ARFIP1: variants seen among roughly 807,000 people sequenced by gnomAD.
ARFIP1 encodes ARF interacting protein 1.
In ARFIP1, 24 loss-of-function variants were observed where a neutral mutation model predicts 42.5. The observed-to-expected ratio is 0.57, with a 90% CI of 0.41 to 0.80. The LOEUF (loss-of-function observed/expected upper bound fraction) is 0.80. Ranked by LOEUF, ARFIP1 falls within the 30% of genes least tolerant of loss-of-function variation. The pLI is 0.00. For synonymous variants in ARFIP1, 141 were observed against 153.7 expected, an observed-to-expected ratio of 0.92 and a Z score of 0.61; for missense variants, 354 against 434.0, an observed-to-expected ratio of 0.82 and a Z score of 1.64.
intron 8 of ARFIP1, 110 bp from the exon 9 acceptor site, chr4:152,909,954 G>A: frequency 7.2e-7 from 1 of 1,381,662 alleles, no homozygotes; most frequent in South Asian, 1.4e-5. Flanking sequence ...TATTAAGCCA[G>A]CTTTTCTTCA....
chr4:152,808,827 G>A (rs1729215984), intron 1 of ARFIP1, among the ~76,000 whole-genome samples: 1 of 152,148 alleles, frequency 6.6e-6, no homozygotes, highest in African/African-American at 2.4e-5. Flanking sequence ...CCAGCACTTT[G>A]GGAGGCCGAG....
At chr4:152,785,121 A>C (rs1444300595) in intron 1 of ARFIP1, among the ~76,000 whole-genome samples, 1 of 152,152 alleles carries the variant, frequency 6.6e-6, no homozygotes, top group Non-Finnish European at 1.5e-5. Flanking sequence ...GAAGCTGTGG[A>C]GTGGGGGAAT....
intron 5 of ARFIP1, 105 bp from the exon 6 acceptor site, chr4:152,880,858 T>TA (rs1374002148): frequency 3.6e-6 from 3 of 839,096 alleles, no homozygotes; most frequent in Non-Finnish European, 5.7e-6. Context: ...TTCAGTTTGT[T>TA]ACGCTAGCTT....
chr4:152,816,892 G>C (rs890590287), intron 1 of ARFIP1, among the ~76,000 whole-genome samples: 1 of 151,932 alleles, frequency 6.6e-6, no homozygotes, highest in African/African-American at 2.4e-5. Context: ...TACTATATTC[G>C]TAATCTGTTA....
intron 1 of ARFIP1, among the ~76,000 whole-genome samples, chr4:152,822,926 G>A (rs556096666): frequency 6.6e-6 from 1 of 152,158 alleles, no homozygotes; most frequent in Admixed American, 6.5e-5. Context: ...TAACAAATGT[G>A]CTAAACACCT....
chr4:152,900,194 A>G lies in ARFIP1; in HGVS notation c.967-9870A>G, dbSNP rs377031169. Among the ~76,000 whole-genome samples the G allele has an allele frequency of 6.6e-5, 10 of 152,260 alleles. No homozygotes were observed. In the East Asian group the frequency reaches 1.4e-3, roughly 21 times the overall value. ...AGGGAGGGAGGGATCAAAGGGCGGG[A>G]ACTAACACTGTAAAAACATAGAACA... On this transcript the variant is annotated intron_variant, in intron 8 of 8. Coordinates refer to ENST00000353617, the MANE Select transcript of ARFIP1 (RefSeq NM_001025595.3).
chr4:152,781,532 C>G (rs915560880), intron 1 of ARFIP1, among the ~76,000 whole-genome samples: 1 of 152,206 alleles, frequency 6.6e-6, no homozygotes, highest in Admixed American at 6.5e-5. Flanking sequence ...CCACCGCGCC[C>G]GGCCGAATTG....
rs1738738576 is a variant in ARFIP1, at chr4:152,910,247, C to T, written c.*28C>T. ...TCACAGCGGAAAATAAAAAGAAAGT[C>T]GCGTTGTTATATTTCTAAACCAACC... On this transcript the variant is annotated 3_prime_UTR_variant, in exon 9 of 9. Transcript: ENST00000353617. The T allele has an allele frequency of 9.4e-6, 15 of 1,603,244 alleles. No homozygotes were observed. Among genetic ancestry groups the T allele is most frequent in the East Asian group, 4.5e-5 (2 of 44,746 alleles).
chr4:152,862,829 C>T (rs1733999321), intron 2 of ARFIP1, among the ~76,000 whole-genome samples: 1 of 152,176 alleles, frequency 6.6e-6, no homozygotes. Flanking sequence ...AGCCAGCAGA[C>T]TGTAGCCTCA....
chr4:152,806,302 A>G (rs1052647600), intron 1 of ARFIP1, among the ~76,000 whole-genome samples: 1 of 152,174 alleles, frequency 6.6e-6, no homozygotes, highest in Non-Finnish European at 1.5e-5. Context: ...TGGGCAGGAC[A>G]CATTTTGGAA....
intron 5 of ARFIP1, among the ~76,000 whole-genome samples, chr4:152,879,764 G>T (rs1483425799): frequency 3.9e-5 from 6 of 152,098 alleles, no homozygotes; most frequent in Non-Finnish European, 4.4e-5. Context: ...CAGAAGAATC[G>T]CTTGAACCCG....
At chr4:152,859,215 C>A (rs1306451449) in intron 2 of ARFIP1, among the ~76,000 whole-genome samples, 1 of 152,162 alleles carries the variant, frequency 6.6e-6, no homozygotes, top group Admixed American at 6.5e-5. Context: ...GCTCATGCCA[C>A]CATGCCCAGC....
intron 1 of ARFIP1, among the ~76,000 whole-genome samples, chr4:152,810,984 T>A (rs1320104335): frequency 6.6e-6 from 1 of 152,216 alleles, no homozygotes; most frequent in African/African-American, 2.4e-5. Flanking sequence ...CATGTCTCTT[T>A]TTCCTGCCTC....
intron 2 of ARFIP1, among the ~76,000 whole-genome samples, chr4:152,845,415 C>G (rs1732457171): frequency 6.6e-6 from 1 of 152,162 alleles, no homozygotes; most frequent in Admixed American, 6.5e-5. Flanking sequence ...AGTAAACAGA[C>G]AGCCTACAGA....
chr4:152,859,352 A>G (rs1733696641), intron 2 of ARFIP1, among the ~76,000 whole-genome samples: 1 of 152,206 alleles, frequency 6.6e-6, no homozygotes, highest in Non-Finnish European at 1.5e-5. Flanking sequence ...GTGAGCCATC[A>G]CATCATGCCT....
intron 2 of ARFIP1, among the ~76,000 whole-genome samples, chr4:152,859,924 G>A (rs933197263): frequency 1.9e-4 from 29 of 150,832 alleles, no homozygotes; most frequent in African/African-American, 6.8e-4. Context: ...ATTAAGATGG[G>A]GTTGTAAGTA....
intron 8 of ARFIP1, among the ~76,000 whole-genome samples, chr4:152,904,409 C>G (rs1738128389): frequency 6.6e-6 from 1 of 151,928 alleles, no homozygotes; most frequent in Non-Finnish European, 1.5e-5. Flanking sequence ...CCAGGATGGT[C>G]TTGAACTCCA....
chr4:152,844,819 A>G (rs1032674829), intron 2 of ARFIP1, among the ~76,000 whole-genome samples: 3 of 152,188 alleles, frequency 2.0e-5, no homozygotes, highest in South Asian at 2.1e-4. Flanking sequence ...GTGCTTTTCT[A>G]TTAAACTGCC....
intron 1 of ARFIP1, among the ~76,000 whole-genome samples, chr4:152,817,386 T>G (rs1430003297): frequency 6.6e-6 from 1 of 152,192 alleles, no homozygotes; most frequent in African/African-American, 2.4e-5. Context: ...TAACAAATCA[T>G]GCTGGAAAAA....
Sources: gnomAD v4.1 joint callset for allele counts (sites outside exome capture counted in the v4.1 genomes callset) on GRCh38, gnomAD v4.1.1 for gene constraint, MANE v1.5 for transcripts, NCBI Gene and HGNC (gene_info 2026-07-23, HGNC 2026-07-21) for gene names.